Variants in EIF2B4 observed in about 807,000 individuals in gnomAD.
The protein encoded by EIF2B4 is eukaryotic translation initiation factor 2B subunit delta.
Under a neutral mutation model 66.7 loss-of-function variants are expected in EIF2B4, and 34 were observed. The ratio of observed to expected loss-of-function variants is 0.51; its 90% CI spans 0.39 to 0.68. The LOEUF (loss-of-function observed/expected upper bound fraction) is 0.68, where lower values mean the gene tolerates loss of function less well. Ranked by LOEUF, EIF2B4 falls within the 30% of genes least tolerant of loss-of-function variation. The pLI is 0.00. For synonymous variants in EIF2B4, 278 were observed against 253.6 expected (o/e 1.10, Z -0.92); for missense variants, 618 against 657.9 (o/e 0.94, Z 0.66).
At chr2:27,366,579 G>T (rs533328166) in intron 11 of EIF2B4, 180 bp downstream of exon 11, 1 of 707,972 alleles carries the variant, frequency 1.4e-6, no homozygotes, top group Non-Finnish European at 2.5e-6. Context: ...ACTCAGAGGC[G>T]GAGGTGGGAA....
chr2:27,365,192 G>C, intron 11 of EIF2B4: 1 of 374,082 alleles, frequency 2.7e-6, no homozygotes, highest in Non-Finnish European at 5.1e-6. Context: ...GAGTAGCTGG[G>C]ATTACAGGCA....
At chr2:27,370,178 G>A (rs1409536427) in intron 1 of EIF2B4, 106 bp downstream of exon 1, 1 of 1,544,338 alleles carries the variant, frequency 6.5e-7, no homozygotes, top group African/African-American at 1.4e-5. Flanking sequence ...GCCCAGCGTG[G>A]CGCTGGAACG....
Position 27,369,917 on chromosome 2 carries a change from A to G in EIF2B4, c.34T>C (p.Ser12Pro). 6.3e-7 allele frequency: 1 copy of G among 1,582,488 alleles called. No individual in the cohort carries two copies. The highest frequency in any genetic ancestry group is 8.6e-7 in the Non-Finnish European group (1 of 1,164,626). ...AAVAVAVRED[S>P]GSGMKAELPP... The stretch of plus-strand genomic sequence containing the variant: ...AGCTCCGCCTTCATCCCGGATCCCG[A>G]GTCTGCATCAGAAAACAGGGCACAA... The change falls in exon 2 of 13, where the codon TCG (serine) becomes CCG (proline). Residue 12 changes from serine (S) to proline (P), a missense_variant and splice_region_variant. Transcript: ENST00000347454.
At position 27,367,600 on chromosome 2, in the gene EIF2B4, C is replaced by G. The variant is rs1218058703; in HGVS notation, c.783-41G>C. On this transcript the variant is annotated intron_variant, in intron 8 of 12. Coordinates refer to ENST00000347454, the MANE Select transcript of EIF2B4 (RefSeq NM_001034116.2). ...AATACCTTATATCTGCGCAACTCTT[C>G]ACAACTTACAAAGCCTTCACATTTA... is the stretch of plus-strand genomic sequence containing the variant. The G allele has an allele frequency of 4.4e-6, 7 of 1,608,134 alleles. No homozygotes were observed. In the Admixed American group the frequency reaches 1.2e-4, roughly 27 times the overall value.
intron 11 of EIF2B4, 156 bp from the exon 12 acceptor site, chr2:27,365,054 T>A: frequency 1.0e-4 from 71 of 685,524 alleles, no homozygotes; most frequent in Non-Finnish European, 1.4e-4. Context: ...AAGTAATAAA[T>A]CTTTTTTTTT....
intron 4 of EIF2B4, 118 bp from the exon 5 acceptor site, chr2:27,368,851 G>C: frequency 7.0e-7 from 1 of 1,424,166 alleles, no homozygotes; most frequent in Non-Finnish European, 9.8e-7. Flanking sequence ...GGAGAATAGG[G>C]TAGAAAAGGA....
At position 27,366,954 on chromosome 2, in the gene EIF2B4, G is replaced by A; in HGVS notation, c.1014-18C>T. Reference sequence around the variant, plus strand: ...GAGATGAGCTAGAGTGAATGAAGAGGAGGATTCAGTTATAAATGTCAGTAA... The same window carrying A: ...GAGATGAGCTAGAGTGAATGAAGAGAAGGATTCAGTTATAAATGTCAGTAA... On this transcript the variant is annotated intron_variant, in intron 10 of 12. Coordinates refer to ENST00000347454, the MANE Select transcript of EIF2B4 (RefSeq NM_001034116.2). The A allele has an allele frequency of 6.2e-7, 1 of 1,614,154 alleles. No homozygotes were observed. The highest frequency in any genetic ancestry group is 8.5e-7 in the Non-Finnish European group (1 of 1,180,036).
Position 27,366,880 on chromosome 2 carries a change from C to A in EIF2B4, c.1070G>T (p.Arg357Leu). The stretch of plus-strand genomic sequence containing the variant: ...TGGCCGGCTGTCCACCACTACCACC[C>A]GAAACCGCCGGCCCTCTGTCCAAGC... ...QEAWTEGRRF[R>L]VVVVDSRPWL... is the part of the protein sequence containing the mutation. Residue 357 changes from arginine (R) to leucine (L), a missense_variant, in exon 11 of 13, where the codon CGG (arginine) becomes CTG (leucine). By Grantham distance (102) the Arg-to-Leu change is moderately radical. Transcript: ENST00000347454. The A allele has an allele frequency of 6.2e-7, 1 of 1,614,148 alleles. No individual in the cohort carries two copies. The highest frequency in any genetic ancestry group is 8.5e-7 in the Non-Finnish European group (1 of 1,180,022).
intron 6 of EIF2B4, 109 bp downstream of exon 6, chr2:27,368,263 G>T: frequency 7.5e-7 from 1 of 1,330,460 alleles, no homozygotes; most frequent in Non-Finnish European, 1.1e-6. Flanking sequence ...TTCTGCCTTG[G>T]GTTCATACTT....
Position 27,368,239 on chromosome 2 carries a change from C to G in EIF2B4, c.591-100G>C. 2.3e-6 allele frequency: 3 copies of G among 1,304,354 alleles called. No individual in the cohort carries two copies. The South Asian group carries it at 3.8e-5, about 16-fold the overall frequency. 80.8% of individuals were successfully genotyped at this position (1,304,354 alleles called of 1,614,324 possible). A position where few individuals can be genotyped will look rare whatever the true frequency, so the allele number is the denominator to read the frequency against. Reference sequence around the variant, plus strand: ...GAACTCCCTTCACTAGCAGATTTCCCCACTCCTCTACAGTTCTGCCTTGGG... The same window carrying G: ...GAACTCCCTTCACTAGCAGATTTCCGCACTCCTCTACAGTTCTGCCTTGGG... On this transcript the variant is annotated intron_variant, in intron 6 of 12. Transcript: ENST00000347454.
intron 2 of EIF2B4, 148 bp downstream of exon 2, chr2:27,369,728 T>C: frequency 4.1e-6 from 6 of 1,446,098 alleles, no homozygotes; most frequent in Non-Finnish European, 3.8e-6. Context: ...GACAGAATCA[T>C]ATATCCCTAG....
At chr2:27,370,005 G>C (rs984995487) in intron 1 of EIF2B4, 86 bp from the exon 2 acceptor site, 3 of 1,533,220 alleles carry the variant, frequency 2.0e-6, no homozygotes, top group Admixed American at 2.1e-5. Flanking sequence ...CCGGCTGCTG[G>C]GTTGGCATGA....
rs760388895 is a variant in EIF2B4 at position 27,369,093 on chromosome 2, C to T, written c.331G>A (p.Glu111Lys). Residue 111 changes from glutamate to lysine, a missense_variant, in exon 4 of 13, where the codon GAG (glutamate) becomes AAG (lysine). Around this residue, in one of 4 missense-constraint regions of EIF2B4, gnomAD observed 506 missense variants for 511.9 expected, o/e 0.99. Coordinates refer to ENST00000347454, the MANE Select transcript of EIF2B4 (RefSeq NM_001034116.2). ...TTTCTTGCCTGTTTCAGGGCCCGCTCGGCCTCCTGCTTGGCTCGACGCTCA... is the reference window on the plus strand; with the variant it reads ...TTTCTTGCCTGTTTCAGGGCCCGCTTGGCCTCCTGCTTGGCTCGACGCTCA... ...RAERRAKQEA[E>K]RALKQARKGE... 4 of 1,614,132 alleles carry T rather than the reference C, an allele frequency of 2.5e-6. No homozygotes were observed. Among genetic ancestry groups the T allele is most frequent in the East Asian group, 2.2e-5 (1 of 44,884 alleles).
intron 2 of EIF2B4, 84 bp from the exon 3 acceptor site, chr2:27,369,633 A>G: frequency 1.2e-6 from 2 of 1,604,618 alleles, no homozygotes; most frequent in Non-Finnish European, 1.7e-6. Flanking sequence ...AGATTTCCAC[A>G]TGGTTAAATC....
At chr2:27,368,789 G>A in intron 4 of EIF2B4, 56 bp from the exon 5 acceptor site, 1 of 1,585,620 alleles carries the variant, frequency 6.3e-7, no homozygotes. Flanking sequence ...TGTGTAATTT[G>A]CTCTTAGGGT....
chr2:27,368,313 A>G, intron 6 of EIF2B4, 59 bp downstream of exon 6: 1 of 1,491,474 alleles, frequency 6.7e-7, no homozygotes, highest in Non-Finnish European at 9.3e-7. Flanking sequence ...GAAACTTTCA[A>G]TACTGACTTA....
Position 27,367,237 on chromosome 2 carries a change from G to A in EIF2B4, c.886-36C>T, listed in dbSNP as rs370668762. 4.3e-6 allele frequency: 7 copies of A among 1,613,690 alleles called. No individual in the cohort carries two copies. The African/African-American group carries it at 8.0e-5, about 18-fold the overall frequency. Reference sequence around the variant, plus strand: ...TAAAATCCTTAGTGAACAAGAAATGGACACTTTTATCCCTCTGATGATCAT... The same window carrying A: ...TAAAATCCTTAGTGAACAAGAAATGAACACTTTTATCCCTCTGATGATCAT... On this transcript the variant is annotated intron_variant, in intron 9 of 12. Transcript: ENST00000347454.
intron 3 of EIF2B4, 50 bp downstream of exon 3, chr2:27,369,364 C>A: frequency 6.2e-7 from 1 of 1,613,158 alleles, no homozygotes; most frequent in Non-Finnish European, 8.5e-7. Context: ...CCCACCACAT[C>A]CCTCTACCAG....
rs1681959434 is a variant in EIF2B4 at position 27,367,631 on chromosome 2, A to G, written c.783-72T>C. On this transcript the variant is annotated intron_variant, in intron 8 of 12. Coordinates refer to ENST00000347454, the MANE Select transcript of EIF2B4 (RefSeq NM_001034116.2). ...TTACAAAGCCTTCACATTTAAAAAA[A>G]AAGTCTTTAAAAAGAAAATAGAACA... The G allele has an allele frequency of 2.5e-6, 4 of 1,597,566 alleles. No homozygotes were observed. The Admixed American group carries it at 5.0e-5, about 20-fold the overall frequency.
Sources: allele counts gnomAD v4.1 joint callset, GRCh38; gene constraint gnomAD v4.1.1; regional missense constraint gnomAD v4.1.1; transcripts MANE v1.5; gene names NCBI Gene and HGNC (gene_info 2026-07-23, HGNC 2026-07-21).